PHIP: variants seen among roughly 807,000 people sequenced by gnomAD.
PHIP encodes the protein PHIP subunit of CUL4-Ring ligase complex, also known as PH-interacting protein.
Under a neutral mutation model 236.8 loss-of-function variants are expected in PHIP, and 54 were observed. The observed-to-expected ratio is 0.23, with a 90% CI of 0.18 to 0.29. PHIP has a LOEUF of 0.29. PHIP is among the 10% of genes least tolerant of loss of function. The probability of loss-of-function intolerance (pLI) is 1.00; values close to 1 mark genes in which losing one functional copy is unlikely to be tolerated. For missense variants in PHIP, 1,370 were observed against 2,190.8 expected (o/e 0.63, Z 7.48); for synonymous variants, 756 against 718.9 (o/e 1.05, Z -0.83).
intron 25 of PHIP, 29 bp downstream of exon 25, chr6:78,970,752 G>T: frequency 1.5e-6 from 2 of 1,342,158 alleles, no homozygotes; most frequent in Non-Finnish European, 2.1e-6. Flanking sequence ...GTATTTTTGG[G>T]GCTATTAAAT....
chr6:78,942,860 G>T (rs1339698618), intron 39 of PHIP, among the ~76,000 whole-genome samples: 2 of 152,090 alleles, frequency 1.3e-5, no homozygotes, highest in Non-Finnish European at 2.9e-5. Flanking sequence ...GGGACTATAG[G>T]ACTCATCAAC....
At chr6:78,974,624 G>T (rs868332926) in intron 24 of PHIP, among the ~76,000 whole-genome samples, 1 of 151,998 alleles carries the variant, frequency 6.6e-6, no homozygotes, top group Non-Finnish European at 1.5e-5. Flanking sequence ...TCGATAGACC[G>T]CCAGCAAGAC....
At position 79,060,490 on chromosome 6, in the gene PHIP, G is replaced by C. The variant is rs1279755327; in HGVS notation, c.427C>G (p.Pro143Ala). 1 of 1,612,266 alleles carries C rather than the reference G, an allele frequency of 6.2e-7. No homozygotes were observed. The highest frequency in any genetic ancestry group is 1.1e-5 in the South Asian group (1 of 90,882). Residue 143 changes from proline (P) to alanine (A), a missense_variant, in exon 6 of 40, where the codon CCA becomes GCA. Transcript: ENST00000275034. ...TCAAACAACTCACCAATGCTGGGTG[G>C]GCTACCATAGTTAACTGGTGACTCA... is the stretch of plus-strand genomic sequence containing the variant. ...PPESPVNYGS[P>A]PSIADTLFSR...
intron 6 of PHIP, among the ~76,000 whole-genome samples, chr6:79,046,790 A>G (rs1292065045): frequency 2.0e-5 from 3 of 151,924 alleles, no homozygotes; most frequent in Non-Finnish European, 4.4e-5. Context: ...GCAGAAGAAC[A>G]GCTTGAACCC....
chr6:79,030,333 CAT>C (rs1440460613), intron 7 of PHIP, among the ~76,000 whole-genome samples: 3 of 152,136 alleles, frequency 2.0e-5, no homozygotes, highest in Non-Finnish European at 4.4e-5. Flanking sequence ...CCTCAACTGA[CAT>C]AGTTTTTTCA....
chr6:78,964,314 T>C (rs1766987440), intron 29 of PHIP, among the ~76,000 whole-genome samples: 10 of 152,306 alleles, frequency 6.6e-5, no homozygotes, highest in Admixed American at 6.5e-4. Flanking sequence ...ATTTTCTCAT[T>C]TCTGAGGTCT....
At chr6:79,020,646 A>T (rs1159818156) in intron 9 of PHIP, among the ~76,000 whole-genome samples, 1 of 152,188 alleles carries the variant, frequency 6.6e-6, no homozygotes. Flanking sequence ...TACCATTTTT[A>T]AAAGGTTTTT....
At chr6:79,032,805 T>C (rs148559633) in intron 7 of PHIP, among the ~76,000 whole-genome samples, 94 of 151,704 alleles carry the variant, frequency 6.2e-4, no homozygotes, top group South Asian at 3.1e-3. Flanking sequence ...CGATTCTCAA[T>C]TACAGGTGAA....
chr6:78,975,120 C>G (rs1290492466), intron 24 of PHIP, among the ~76,000 whole-genome samples: 2 of 151,532 alleles, frequency 1.3e-5, no homozygotes, highest in African/African-American at 4.9e-5. Flanking sequence ...TGCAAAAATC[C>G]TCAATAAAAT....
Position 78,939,353 on chromosome 6 carries a change from A to C in PHIP, c.*1340T>G, listed in dbSNP as rs1165666224. On this transcript the variant is annotated 3_prime_UTR_variant, in exon 40 of 40. Coordinates refer to ENST00000275034, the MANE Select transcript of PHIP (RefSeq NM_017934.7). ...TGTATATTGACATACCAGCATGATA[A>C]GGATACCGTAAAAAGTGCAGAAAAA... 3 of 151,822 alleles carry C rather than the reference A, an allele frequency of 2.0e-5. No individual in the cohort carries two copies. The highest frequency in any genetic ancestry group is 4.4e-5 in the Non-Finnish European group (3 of 67,724). 9.4% of individuals were successfully genotyped at this position (151,822 alleles called of 1,614,324 possible). A position where few individuals can be genotyped will look rare whatever the true frequency, so the allele number is the denominator to read the frequency against.
At position 78,937,190 on chromosome 6, in the gene PHIP, A is replaced by C. The variant is rs576725518; in HGVS notation, c.*3503T>G. The C allele has an allele frequency of 6.6e-6, 1 of 151,858 alleles. No individual in the cohort carries two copies. Among genetic ancestry groups the C allele is most frequent in the East Asian group, 1.9e-4 (1 of 5,182 alleles). The allele number at this position is 151,858 out of a possible 1,614,324, so 9.4% of individuals were successfully genotyped here. The stretch of plus-strand genomic sequence containing the variant: ...AATTTCAGGTAACAAAAACATTCAG[A>C]ATATATCCGTTTTCATTAGATAGAA... On this transcript the variant is annotated 3_prime_UTR_variant, in exon 40 of 40. Coordinates refer to ENST00000275034, the MANE Select transcript of PHIP (RefSeq NM_017934.7).
At chr6:79,045,510 T>C (rs568348432) in intron 6 of PHIP, among the ~76,000 whole-genome samples, 1 of 152,126 alleles carries the variant, frequency 6.6e-6, no homozygotes, top group South Asian at 2.1e-4. Flanking sequence ...AACTTGAGTA[T>C]AGAGCCTTTT....
intron 7 of PHIP, among the ~76,000 whole-genome samples, chr6:79,026,453 T>C (rs542396147): frequency 2.1e-4 from 17 of 81,538 alleles, no homozygotes; most frequent in African/African-American, 6.6e-4. Context: ...GTAAAAGAAA[T>C]TGAACTTCTG....
At chr6:78,999,612 T>C (rs961795043) in intron 17 of PHIP, among the ~76,000 whole-genome samples, 2 of 152,076 alleles carry the variant, frequency 1.3e-5, no homozygotes, top group African/African-American at 4.8e-5. Context: ...ATGAAAAATA[T>C]TGCCATGAGT....
intron 4 of PHIP, among the ~76,000 whole-genome samples, chr6:79,070,960 C>A (rs991523204): frequency 3.3e-5 from 5 of 152,152 alleles, no homozygotes; most frequent in African/African-American, 1.2e-4. Flanking sequence ...TGTGTCTCTT[C>A]TGCAAAAAAA....
At chr6:79,072,418 T>C (rs1400092222) in intron 4 of PHIP, among the ~76,000 whole-genome samples, 1 of 152,218 alleles carries the variant, frequency 6.6e-6, no homozygotes, top group Non-Finnish European at 1.5e-5. Flanking sequence ...TAAACATTTT[T>C]CCTTTATTTT....
At chr6:78,959,855 C>A (rs1766662583) in intron 31 of PHIP, among the ~76,000 whole-genome samples, 1 of 152,068 alleles carries the variant, frequency 6.6e-6, no homozygotes, top group Admixed American at 6.6e-5. Flanking sequence ...ATTCAAAATA[C>A]CATTAAGTCA....
At chr6:79,021,310 C>T (rs34244224) in intron 9 of PHIP, among the ~76,000 whole-genome samples, 11 of 152,164 alleles carry the variant, frequency 7.2e-5, no homozygotes, top group African/African-American at 2.7e-4. Context: ...CCATGCCCGG[C>T]TAATTCTTAT....
intron 9 of PHIP, among the ~76,000 whole-genome samples, chr6:79,023,634 AT>A (rs1771242895): frequency 6.6e-6 from 1 of 151,954 alleles, no homozygotes; most frequent in Admixed American, 6.6e-5. Flanking sequence ...TTATATATAT[AT>A]TCCTAATTAT....
Sources: gnomAD v4.1 joint callset for allele counts (sites outside exome capture counted in the v4.1 genomes callset) on GRCh38, gnomAD v4.1.1 for gene constraint, MANE v1.5 for transcripts, NCBI Gene and HGNC (gene_info 2026-07-23, HGNC 2026-07-21) for gene names.